The following NBAS variants were observed in gnomAD, a reference collection of about 807,000 sequenced individuals.
NBAS encodes the protein NAG/BC035112 fusion.
NBAS carries 219 observed loss-of-function variants against 302.5 expected under a neutral mutation model. The observed-to-expected ratio is 0.72, with a 90% CI of 0.65 to 0.81. The LOEUF (loss-of-function observed/expected upper bound fraction) is 0.81, where lower values mean the gene tolerates loss of function less well. Ranked by LOEUF, NBAS falls within the 30% of genes least tolerant of loss-of-function variation. The pLI is 0.00. For synonymous variants in NBAS, 1,118 were observed against 1,021.6 expected (o/e 1.09, Z -1.80); for missense variants, 2,932 against 2,841.6 (o/e 1.03, Z -0.72).
the NBAS span, among the ~76,000 whole-genome samples, chr2:15,061,517 T>C: frequency 6.6e-6 from 1 of 152,218 alleles, no homozygotes; most frequent in African/African-American, 2.4e-5. Context: ...TGCTCCTGTG[T>C]GTTGGTAGAA....
chr2:14,952,365 T>C, the NBAS span, among the ~76,000 whole-genome samples: 1 of 152,238 alleles, frequency 6.6e-6, no homozygotes, highest in Non-Finnish European at 1.5e-5. Context: ...CAAAGATTAT[T>C]TTTCCCCTTT....
chr2:15,507,320 AT>A (rs35992823), intron 10 of NBAS, among the ~76,000 whole-genome samples: 86,585 of 151,836 alleles, frequency 0.57, 25,371 homozygotes, highest in Middle Eastern at 0.62. Context: ...GATTACTTCT[AT>A]TTTTTTCAGG....
the NBAS span, among the ~76,000 whole-genome samples, chr2:14,847,521 A>T: frequency 6.6e-6 from 1 of 151,930 alleles, no homozygotes; most frequent in Non-Finnish European, 1.5e-5. Flanking sequence ...AAAAAAAAAA[A>T]ACTACAAGAA....
chr2:15,253,096 A>G (rs978212994), intron 44 of NBAS, among the ~76,000 whole-genome samples: 2 of 152,184 alleles, frequency 1.3e-5, no homozygotes, highest in Non-Finnish European at 2.9e-5. Flanking sequence ...AGGCTTTTAT[A>G]GAAGAAGAAT....
the NBAS span, among the ~76,000 whole-genome samples, chr2:15,043,357 TC>T: frequency 3.3e-5 from 5 of 152,160 alleles, no homozygotes; most frequent in Admixed American, 6.5e-5. Flanking sequence ...CTGTGCCACT[TC>T]CATTATCCCT....
At chr2:15,223,508 A>C (rs755385481) in intron 47 of NBAS, among the ~76,000 whole-genome samples, 9 of 152,200 alleles carry the variant, frequency 5.9e-5, no homozygotes, top group South Asian at 2.1e-4. Context: ...AAAATTAAAA[A>C]AGAACATCAT....
At chr2:14,797,718 C>T in the NBAS span, among the ~76,000 whole-genome samples, 1 of 152,054 alleles carries the variant, frequency 6.6e-6, no homozygotes, top group Admixed American at 6.5e-5. Flanking sequence ...ATAGTGGTCA[C>T]AGAGTTCGGG....
intron 38 of NBAS, among the ~76,000 whole-genome samples, chr2:15,324,726 G>A (rs1019648555): frequency 1.3e-5 from 2 of 152,148 alleles, no homozygotes; most frequent in African/African-American, 4.8e-5. Context: ...CAGGTGGCTC[G>A]AGGACCTCTC....
chr2:15,449,922 G>A lies in NBAS; in HGVS notation c.2339+11279C>T, dbSNP rs549548820. Among the ~76,000 whole-genome samples the A allele has an allele frequency of 2.0e-5, 3 of 152,206 alleles. No individual in the cohort carries two copies. The South Asian group carries it at 6.2e-4, about 32-fold the overall frequency. On this transcript the variant is annotated intron_variant, in intron 21 of 51. Coordinates refer to ENST00000281513, the MANE Select transcript of NBAS (RefSeq NM_015909.4). ...CAGCTCAGAAATAAACTGCACACAG[G>A]GGAATTGAATTTTGATTAGGTAACT...
chr2:15,145,401 ATGTGTGTGTGTGTGTG>A, the NBAS span, among the ~76,000 whole-genome samples: 1 of 148,112 alleles, frequency 6.8e-6, no homozygotes, highest in African/African-American at 2.5e-5. Context: ...GTTTGTTTGT[ATGTGTGTGTGTGTGTG>A]TGTGTGTGTG....
the NBAS span, among the ~76,000 whole-genome samples, chr2:15,097,360 G>A: frequency 1.3e-5 from 2 of 152,098 alleles, no homozygotes; most frequent in South Asian, 2.1e-4. Flanking sequence ...GCTGAGAGGG[G>A]GCTCTGCTCA....
the NBAS span, among the ~76,000 whole-genome samples, chr2:15,032,065 G>A: frequency 0.029 from 4,455 of 152,314 alleles, 232 homozygotes; most frequent in African/African-American, 0.1. Flanking sequence ...GAGTCGAGTT[G>A]TTTCCTGACC....
chr2:14,946,157 G>T, the NBAS span, among the ~76,000 whole-genome samples: 1 of 152,170 alleles, frequency 6.6e-6, no homozygotes, highest in South Asian at 2.1e-4. Context: ...AGAGTAAAAA[G>T]TTTATCAAGG....
At chr2:15,072,075 T>C in the NBAS span, among the ~76,000 whole-genome samples, 11 of 152,380 alleles carry the variant, frequency 7.2e-5, no homozygotes, top group East Asian at 2.1e-3. Context: ...ATTTCCACTT[T>C]GAAGAATTAT....
At chr2:15,383,394 T>TA (rs1488576731) in intron 28 of NBAS, 77 bp from the exon 29 acceptor site, 7 of 1,360,514 alleles carry the variant, frequency 5.1e-6, no homozygotes, top group African/African-American at 1.4e-5. Flanking sequence ...GATCTAAAGT[T>TA]AAAAAAACAA....
chr2:15,210,529 T>C lies in NBAS; in HGVS notation c.6432+8244A>G, dbSNP rs999863472. ...TCCTCATGCACTATTGGTTGGAATG[T>C]AAATTAGTACAAAAACTATGGAGAA... is the stretch of plus-strand genomic sequence containing the variant. On this transcript the variant is annotated intron_variant, in intron 48 of 51. Coordinates refer to ENST00000281513, the MANE Select transcript of NBAS (RefSeq NM_015909.4). 2.0e-5 allele frequency among the ~76,000 whole-genome samples: 3 copies of C among 152,170 alleles called. 1 individual carries two copies. The highest frequency in any genetic ancestry group is 4.4e-5 in the Non-Finnish European group (3 of 68,006).
At chr2:14,826,576 T>G in the NBAS span, among the ~76,000 whole-genome samples, 1 of 152,240 alleles carries the variant, frequency 6.6e-6, no homozygotes, top group Admixed American at 6.5e-5. Context: ...TCCTGTCCCT[T>G]TCTCATGGCA....
chr2:14,891,506 T>G, the NBAS span, among the ~76,000 whole-genome samples: 12 of 152,196 alleles, frequency 7.9e-5, no homozygotes, highest in African/African-American at 2.9e-4. Context: ...ACTTACTTAT[T>G]TATTATAATC....
intron 38 of NBAS, among the ~76,000 whole-genome samples, chr2:15,320,872 T>C (rs1345798106): frequency 1.3e-5 from 2 of 152,154 alleles, no homozygotes; most frequent in Non-Finnish European, 2.9e-5. Flanking sequence ...AATGACTTTC[T>C]TCATAGAATT....
Sources: allele counts gnomAD v4.1 joint callset (sites outside exome capture counted in the v4.1 genomes callset), GRCh38; gene constraint gnomAD v4.1.1; transcripts MANE v1.5; gene names NCBI Gene and HGNC (gene_info 2026-07-23, HGNC 2026-07-21).